The following WDR49 variants were observed in gnomAD, a reference collection of about 807,000 sequenced individuals.
WDR49 encodes the protein cilia- and flagella-associated protein 337.
In WDR49, 107 loss-of-function variants were observed where a neutral mutation model predicts 119.5. That is an observed-to-expected ratio of 0.90 (90% CI 0.77 to 1.05). The LOEUF (loss-of-function observed/expected upper bound fraction) is 1.05. WDR49 is among the 50% of genes least tolerant of loss of function. The probability of loss-of-function intolerance (pLI) is 0.00; values close to 1 mark genes in which losing one functional copy is unlikely to be tolerated. For synonymous variants in WDR49, 425 were observed against 418.8 expected (o/e 1.01, Z -0.18); for missense variants, 1,240 against 1,220.5 (o/e 1.02, Z -0.24).
intron 6 of WDR49, among the ~76,000 whole-genome samples, 190 bp from the exon 7 acceptor site, chr3:167,602,465 T>C (rs192293236): frequency 3.1e-3 from 477 of 152,172 alleles, no homozygotes; most frequent in Non-Finnish European, 4.9e-3. Flanking sequence ...ATAGAAATAG[T>C]TGAAATGGAG....
At chr3:167,582,382 AT>A in intron 7 of WDR49, among the ~76,000 whole-genome samples, 2 of 152,178 alleles carry the variant, frequency 1.3e-5, no homozygotes, top group Admixed American at 1.3e-4. Flanking sequence ...TTCAGAAAAG[AT>A]TTTTGCTATT....
intron 10 of WDR49, among the ~76,000 whole-genome samples, chr3:167,538,342 A>G (rs1711583586): frequency 5.3e-5 from 8 of 152,168 alleles, no homozygotes; most frequent in Admixed American, 5.2e-4. Flanking sequence ...TAATAGACCA[A>G]CATTCCAGCC....
chr3:167,516,473 C>A (rs910773152), intron 16 of WDR49, among the ~76,000 whole-genome samples: 7 of 152,012 alleles, frequency 4.6e-5, no homozygotes, highest in South Asian at 2.1e-4. Flanking sequence ...TGTATATATG[C>A]CACATTTTCT....
chr3:167,541,334 C>A (rs895039348), intron 10 of WDR49, among the ~76,000 whole-genome samples: 3 of 152,166 alleles, frequency 2.0e-5, no homozygotes, highest in Admixed American at 6.6e-5. Flanking sequence ...GAAAACCTCT[C>A]AGATTAACAG....
chr3:167,613,891 G>A (rs1477316392), intron 5 of WDR49, among the ~76,000 whole-genome samples: 1 of 150,448 alleles, frequency 6.6e-6, no homozygotes, highest in African/African-American at 2.5e-5. Flanking sequence ...GTTGCAGTGA[G>A]CCGAGATCAT....
intron 9 of WDR49, among the ~76,000 whole-genome samples, chr3:167,558,722 C>T (rs1713093896): frequency 6.6e-6 from 1 of 152,144 alleles, no homozygotes; most frequent in African/African-American, 2.4e-5. Flanking sequence ...GACTAAGTCC[C>T]TTAGCTGGGA....
At chr3:167,534,868 GC>G (rs1752969341) in intron 11 of WDR49, among the ~76,000 whole-genome samples, 1 of 152,124 alleles carries the variant, frequency 6.6e-6, no homozygotes, top group African/African-American at 2.4e-5. Flanking sequence ...CATTATCTGG[GC>G]TAAATTATGC....
chr3:167,589,915 T>C (rs910117983), intron 7 of WDR49, among the ~76,000 whole-genome samples: 7 of 152,100 alleles, frequency 4.6e-5, no homozygotes, highest in Non-Finnish European at 8.8e-5. Context: ...TATATTTCTC[T>C]TGTCTGATTA....
At chr3:167,517,736 T>C (rs1238783950) in intron 16 of WDR49, among the ~76,000 whole-genome samples, 1 of 148,566 alleles carries the variant, frequency 6.7e-6, no homozygotes, top group Non-Finnish European at 1.5e-5. Flanking sequence ...TTCTTTTCTT[T>C]TTTTATTATT....
intron 7 of WDR49, among the ~76,000 whole-genome samples, chr3:167,596,770 AGAT>A (rs1715475231): frequency 6.6e-6 from 1 of 150,582 alleles, no homozygotes; most frequent in African/African-American, 2.4e-5. Flanking sequence ...ACCTAATGCT[AGAT>A]GATGAGCTAG....
At chr3:167,529,690 A>G (rs1752775525) in intron 13 of WDR49, among the ~76,000 whole-genome samples, 1 of 152,154 alleles carries the variant, frequency 6.6e-6, no homozygotes, top group Admixed American at 6.6e-5. Context: ...TGATAGCAGA[A>G]TAGCTATTGA....
chr3:167,565,379 C>CTA (rs1229943366), intron 8 of WDR49, among the ~76,000 whole-genome samples: 1 of 72,618 alleles, frequency 1.4e-5, no homozygotes, highest in Non-Finnish European at 2.6e-5. Context: ...GCATATCTAT[C>CTA]TACACACACA....
intron 18 of WDR49, among the ~76,000 whole-genome samples, chr3:167,485,586 C>T (rs945769398): frequency 1.1e-4 from 17 of 152,000 alleles, no homozygotes; most frequent in African/African-American, 4.1e-4. Flanking sequence ...ACTTCTAGAA[C>T]TTAAAAATTT....
At chr3:167,521,975 T>C (rs1477870150) in intron 16 of WDR49, among the ~76,000 whole-genome samples, 2 of 115,184 alleles carry the variant, frequency 1.7e-5, no homozygotes, top group Non-Finnish European at 3.7e-5. Flanking sequence ...GATAGATAGA[T>C]AGATAGATAG....
chr3:167,581,177 T>C (rs1714510990), intron 7 of WDR49, among the ~76,000 whole-genome samples: 1 of 152,208 alleles, frequency 6.6e-6, no homozygotes, highest in Non-Finnish European at 1.5e-5. Flanking sequence ...AGTAATATCA[T>C]ATAGCTTTTC....
chr3:167,647,676 G>T (rs925508635), intron 2 of WDR49, among the ~76,000 whole-genome samples: 4 of 152,108 alleles, frequency 2.6e-5, no homozygotes, highest in Non-Finnish European at 5.9e-5. Flanking sequence ...GTGAGAAATG[G>T]TATGACCTGC....
At chr3:167,624,258 T>C (rs892203367) in intron 3 of WDR49, among the ~76,000 whole-genome samples, 3 of 151,246 alleles carry the variant, frequency 2.0e-5, no homozygotes, top group African/African-American at 7.3e-5. Flanking sequence ...TGAGGCTATA[T>C]GCACAAAATG....
rs907179390 is a variant in WDR49 at position 167,620,582 on chromosome 3, C to T, written c.805G>A (p.Ala269Thr). ...CGTTCAAACAGGGAAATCAAGGCTG[C>T]GGTGAAAGCAATTGCTTGAACCTTG... ...TGKVQAIAFT[A>T]ALISLFERPA... The change falls in exon 5 of 19, where the codon GCA becomes ACA. Residue 269 changes from alanine (A) to threonine (T), a missense_variant. By Grantham distance (58) the Ala-to-Thr change is moderately conservative. Transcript: ENST00000682715. The T allele has an allele frequency of 1.7e-5, 26 of 1,533,248 alleles. No homozygotes were observed. The highest frequency in any genetic ancestry group is 4.1e-5 in the African/African-American group (3 of 72,838). The allele number at this position is 1,533,248 out of a possible 1,614,324, so 95.0% of individuals were successfully genotyped here.
At chr3:167,521,942 G>A (rs1752453667) in intron 16 of WDR49, among the ~76,000 whole-genome samples, 1 of 150,800 alleles carries the variant, frequency 6.6e-6, no homozygotes, top group Non-Finnish European at 1.5e-5. Flanking sequence ...AAAACCAGGA[G>A]TAAAATCTGA....
Sources: allele counts gnomAD v4.1 joint callset (sites outside exome capture counted in the v4.1 genomes callset), GRCh38; gene constraint gnomAD v4.1.1; transcripts MANE v1.5; gene names NCBI Gene and HGNC (gene_info 2026-07-23, HGNC 2026-07-21).